PRDM6: variants seen among roughly 807,000 people sequenced by gnomAD.
The protein encoded by PRDM6 is PR/SET domain 6.
In PRDM6, 25 loss-of-function variants were observed where a neutral mutation model predicts 60.8. The observed-to-expected ratio is 0.41, with a 90% confidence interval of 0.30 to 0.57. PRDM6 has a LOEUF of 0.57. PRDM6 is among the 20% of genes least tolerant of loss of function. The pLI, the probability that PRDM6 is intolerant of heterozygous loss-of-function variation, is 0.27. For synonymous variants in PRDM6, 407 were observed against 357.4 expected, an observed-to-expected ratio of 1.14 and a Z score of -1.57; for missense variants, 839 against 821.3, an observed-to-expected ratio of 1.02 and a Z score of -0.26.
chr5:123,167,633 C>T (rs1765783488), intron 5 of PRDM6, among the ~76,000 whole-genome samples: 1 of 152,148 alleles, frequency 6.6e-6, no homozygotes, highest in African/African-American at 2.4e-5. Flanking sequence ...AGGTGATCTG[C>T]TTGCGTCAGC....
Position 123,154,505 on chromosome 5 carries a change from AAAAAT to A in PRDM6, c.901-1360_901-1356del, listed in dbSNP as rs572160753. Among the ~76,000 whole-genome samples, 39 of 152,184 alleles carry A rather than the reference AAAAAT, an allele frequency of 2.6e-4. 1 individual carries two copies. Among genetic ancestry groups the A allele is most frequent in the South Asian group, 1.9e-3 (9 of 4,814 alleles). On this transcript the variant is annotated intron_variant, in intron 3 of 7. Coordinates refer to ENST00000407847, the MANE Select transcript of PRDM6 (RefSeq NM_001136239.4). ...GAGAGGAATGAGTTCAAGAAAAGCA[AAAAAT>A]AAAATAAAATAAAATAAATAAAGTA... is the stretch of plus-strand genomic sequence containing the variant.
intron 6 of PRDM6, among the ~76,000 whole-genome samples, chr5:123,179,837 T>C (rs1167173824): frequency 6.6e-6 from 1 of 152,198 alleles, no homozygotes; most frequent in Non-Finnish European, 1.5e-5. Flanking sequence ...GTCTATACTT[T>C]CCCTACTTAC....
intron 3 of PRDM6, among the ~76,000 whole-genome samples, chr5:123,121,598 A>C (rs1439586266): frequency 1.3e-5 from 2 of 152,104 alleles, no homozygotes; most frequent in Non-Finnish European, 2.9e-5. Context: ...TTAACATTTC[A>C]CCTATAAATA....
intron 5 of PRDM6, among the ~76,000 whole-genome samples, chr5:123,164,295 G>A (rs557210571): frequency 1.3e-5 from 2 of 152,214 alleles, no homozygotes; most frequent in African/African-American, 4.8e-5. Context: ...CAGGCCTCTT[G>A]TGTACAGTGC....
intron 3 of PRDM6, among the ~76,000 whole-genome samples, chr5:123,146,498 T>G (rs556879211): frequency 1.3e-5 from 2 of 152,220 alleles, no homozygotes; most frequent in South Asian, 2.1e-4. Flanking sequence ...ATTTCCTGTT[T>G]GGTATAAAAC....
chr5:123,189,223 C>G lies in PRDM6; in HGVS notation c.*2022C>G, dbSNP rs1353671711. On this transcript the variant is annotated 3_prime_UTR_variant, in exon 8 of 8. Coordinates refer to ENST00000407847, the MANE Select transcript of PRDM6 (RefSeq NM_001136239.4). Reference sequence around the variant, plus strand: ...TGTGAATGAAATGTAGCCATATTAACCTGAAACCTGCAAGAAAAGGACAGA... The same window carrying G: ...TGTGAATGAAATGTAGCCATATTAAGCTGAAACCTGCAAGAAAAGGACAGA... 1 of 152,200 alleles carries G rather than the reference C, an allele frequency of 6.6e-6. No homozygotes were observed. The highest frequency in any genetic ancestry group is 2.4e-5 in the African/African-American group (1 of 41,436). The allele number at this position is 152,200 out of a possible 1,614,324, so 9.4% of individuals were successfully genotyped here.
intron 3 of PRDM6, among the ~76,000 whole-genome samples, chr5:123,134,808 C>T (rs1764916280): frequency 6.6e-6 from 1 of 152,108 alleles, no homozygotes; most frequent in Non-Finnish European, 1.5e-5. Flanking sequence ...ATTGGATCAT[C>T]TCAAGTTACT....
intron 3 of PRDM6, among the ~76,000 whole-genome samples, chr5:123,122,939 A>G (rs190165231): frequency 4.6e-5 from 7 of 152,218 alleles, no homozygotes; most frequent in Admixed American, 3.9e-4. Context: ...AATTTTGGAT[A>G]TTTGACTTGC....
At chr5:123,144,750 T>C (rs1230081722) in intron 3 of PRDM6, among the ~76,000 whole-genome samples, 1 of 152,176 alleles carries the variant, frequency 6.6e-6, no homozygotes, top group African/African-American at 2.4e-5. Context: ...TTTAACCATT[T>C]AGGCAAGGCA....
At chr5:123,174,736 T>C (rs1349600102) in intron 6 of PRDM6, among the ~76,000 whole-genome samples, 1 of 152,292 alleles carries the variant, frequency 6.6e-6, no homozygotes, top group African/African-American at 2.4e-5. Context: ...TTTTGTTTTA[T>C]TTATTTTTTT....
intron 3 of PRDM6, among the ~76,000 whole-genome samples, chr5:123,134,751 G>T (rs571540875): frequency 2.5e-4 from 38 of 152,220 alleles, no homozygotes; most frequent in African/African-American, 8.2e-4. Context: ...GCTAAACAGT[G>T]TGTGGTTTAG....
intron 3 of PRDM6, among the ~76,000 whole-genome samples, chr5:123,120,393 T>C (rs1217037535): frequency 6.6e-6 from 1 of 152,226 alleles, no homozygotes; most frequent in Admixed American, 6.5e-5. Flanking sequence ...TCCTATCCTC[T>C]GGAGGCAGCG....
chr5:123,174,841 G>A (rs948961259), intron 6 of PRDM6, among the ~76,000 whole-genome samples: 1 of 152,098 alleles, frequency 6.6e-6, no homozygotes, highest in African/African-American at 2.4e-5. Context: ...ACACACCCAT[G>A]AGGGTCCAGG....
intron 5 of PRDM6, among the ~76,000 whole-genome samples, chr5:123,161,621 C>A (rs1365271578): frequency 1.3e-5 from 2 of 152,122 alleles, no homozygotes; most frequent in African/African-American, 4.8e-5. Flanking sequence ...TGGGAATGTT[C>A]CTGGCATGTT....
intron 3 of PRDM6, among the ~76,000 whole-genome samples, chr5:123,147,322 A>G (rs1279480408): frequency 1.3e-5 from 2 of 151,830 alleles, no homozygotes; most frequent in African/African-American, 4.8e-5. Context: ...CGAACAAGAA[A>G]CTGCTCCATG....
chr5:123,172,914 G>A (rs796457719), intron 6 of PRDM6, among the ~76,000 whole-genome samples: 5 of 152,138 alleles, frequency 3.3e-5, no homozygotes, highest in African/African-American at 7.2e-5. Flanking sequence ...GTGTGGGGCC[G>A]GGCGCAGTGG....
chr5:123,107,598 A>T (rs969369535), intron 3 of PRDM6, among the ~76,000 whole-genome samples: 1 of 152,236 alleles, frequency 6.6e-6, no homozygotes, highest in Non-Finnish European at 1.5e-5. Flanking sequence ...ATTTGTTTCT[A>T]ATCATCCTTT....
chr5:123,107,876 T>G (rs751400288), intron 3 of PRDM6, among the ~76,000 whole-genome samples: 2 of 152,246 alleles, frequency 1.3e-5, no homozygotes, highest in Non-Finnish European at 2.9e-5. Flanking sequence ...TTCATTTTCA[T>G]TTTTAGTTAG....
At chr5:123,155,093 G>C (rs1238622599) in intron 3 of PRDM6, among the ~76,000 whole-genome samples, 2 of 152,026 alleles carry the variant, frequency 1.3e-5, no homozygotes, top group African/African-American at 4.8e-5. Flanking sequence ...AAGACTTTTT[G>C]TCTCATGCTT....
Sources: allele counts gnomAD v4.1 joint callset (sites outside exome capture counted in the v4.1 genomes callset), GRCh38; gene constraint gnomAD v4.1.1; transcripts MANE v1.5; gene names NCBI Gene and HGNC (gene_info 2026-07-23, HGNC 2026-07-21).